Variants in GRIN2A observed in about 807,000 individuals in gnomAD.
GRIN2A encodes glutamate ionotropic receptor NMDA type subunit 2A, also known as glutamate receptor ionotropic, NMDA 2A.
Under a neutral mutation model 113.4 loss-of-function variants are expected in GRIN2A, and 22 were observed. The observed-to-expected ratio is 0.19, with a 90% CI of 0.14 to 0.28. The LOEUF is 0.28. GRIN2A is among the 10% of genes least tolerant of loss of function. The pLI, the probability that GRIN2A is intolerant of heterozygous loss-of-function variation, is 1.00. For missense variants in GRIN2A, 1,502 were observed against 1,887.0 expected (o/e 0.80, Z 3.78); for synonymous variants, 827 against 738.4 (o/e 1.12, Z -1.94).
At chr16:9,913,366 T>C (rs764253291) in intron 3 of GRIN2A, among the ~76,000 whole-genome samples, 2 of 152,228 alleles carry the variant, frequency 1.3e-5, no homozygotes, top group Non-Finnish European at 2.9e-5. Flanking sequence ...CCAGACAGGA[T>C]CTTGAATTTG....
chr16:9,840,588 A>C, intron 7 of GRIN2A, 59 bp downstream of exon 7: 1 of 1,520,120 alleles, frequency 6.6e-7, no homozygotes, highest in Non-Finnish European at 9.1e-7. Flanking sequence ...TCCTCTGAGC[A>C]AACAAGATTT....
At chr16:10,119,651 A>C (rs11640305) in intron 2 of GRIN2A, among the ~76,000 whole-genome samples, 128,573 of 152,094 alleles carry the variant, frequency 0.85, 55,109 homozygotes, top group East Asian at 0.92. Flanking sequence ...GATTTGGTAC[A>C]CACATTTGGT....
At chr16:10,142,261 TTAAGGTTAGCTGCA>T (rs2049342373) in intron 2 of GRIN2A, among the ~76,000 whole-genome samples, 1 of 152,140 alleles carries the variant, frequency 6.6e-6, no homozygotes, top group Non-Finnish European at 1.5e-5. Flanking sequence ...AAACCCAGGG[TTAAGGTTAGCTGCA>T]GCACACAGAG....
chr16:9,945,603 C>T (rs759075418), intron 2 of GRIN2A, among the ~76,000 whole-genome samples: 23 of 152,148 alleles, frequency 1.5e-4, no homozygotes, highest in Non-Finnish European at 1.8e-4. Context: ...CAATAGGGAA[C>T]CTGGGAGAAA....
At chr16:9,774,222 G>C (rs1315659652) in intron 11 of GRIN2A, among the ~76,000 whole-genome samples, 1 of 152,132 alleles carries the variant, frequency 6.6e-6, no homozygotes. Context: ...TTTGCAAAAA[G>C]GAATGAAAGA....
At position 9,894,656 on chromosome 16, in the gene GRIN2A, A is replaced by T. The variant is rs545862597; in HGVS notation, c.1008-3556T>A. On this transcript the variant is annotated intron_variant, in intron 3 of 12. Transcript: ENST00000330684. The stretch of plus-strand genomic sequence containing the variant: ...TATTAGCAGGACTTCAAAGTAACTA[A>T]TTGAGCCTAAGTTAAGCTGTTTTTA... Among the ~76,000 whole-genome samples, 19 of 152,238 alleles carry T rather than the reference A, an allele frequency of 1.2e-4. No individual in the cohort carries two copies. In the East Asian group the frequency reaches 1.4e-3, roughly 11 times the overall value.
intron 2 of GRIN2A, among the ~76,000 whole-genome samples, chr16:10,170,143 T>A (rs1006284761): frequency 3.3e-5 from 5 of 152,212 alleles, no homozygotes; most frequent in Non-Finnish European, 5.9e-5. Flanking sequence ...CATTTAAAAA[T>A]GCTGTACTGG....
intron 2 of GRIN2A, among the ~76,000 whole-genome samples, chr16:10,076,965 T>G (rs972446366): frequency 6.6e-6 from 1 of 152,220 alleles, no homozygotes; most frequent in African/African-American, 2.4e-5. Context: ...GAATTTATCC[T>G]GGATGACCTG....
chr16:10,120,515 A>C (rs1020012754), intron 2 of GRIN2A, among the ~76,000 whole-genome samples: 2 of 152,144 alleles, frequency 1.3e-5, no homozygotes, highest in African/African-American at 4.8e-5. Context: ...TCATTCATGA[A>C]ACAGTTTTCT....
intron 2 of GRIN2A, among the ~76,000 whole-genome samples, chr16:10,053,814 A>T (rs2047399782): frequency 6.6e-6 from 1 of 152,182 alleles, no homozygotes; most frequent in African/African-American, 2.4e-5. Context: ...TACATCCATA[A>T]ATGGATATAT....
At chr16:10,111,620 T>C in intron 2 of GRIN2A, 2 of 1,360,718 alleles carry the variant, frequency 1.5e-6, no homozygotes, top group Non-Finnish European at 2.1e-6. Flanking sequence ...GACATGGCCA[T>C]CGCGATGGCT....
At chr16:9,925,286 C>T (rs925122116) in intron 3 of GRIN2A, among the ~76,000 whole-genome samples, 1 of 152,194 alleles carries the variant, frequency 6.6e-6, no homozygotes, top group African/African-American at 2.4e-5. Context: ...AACTCAGTGC[C>T]CATGAATAAC....
intron 2 of GRIN2A, among the ~76,000 whole-genome samples, chr16:10,032,903 A>C (rs6497647): frequency 0.63 from 95,014 of 151,962 alleles, 30,269 homozygotes; most frequent in East Asian, 0.95. Context: ...ATTGTCCTTA[A>C]CCAATGGAGA....
At chr16:9,933,587 C>G (rs76814806) in intron 3 of GRIN2A, among the ~76,000 whole-genome samples, 2,233 of 152,308 alleles carry the variant, frequency 0.015, 61 homozygotes, top group African/African-American at 0.051. Context: ...AGACCTTAAT[C>G]CAGCTGCAAA....
chr16:9,962,733 AC>A (rs1200848119), intron 2 of GRIN2A, among the ~76,000 whole-genome samples: 1 of 152,168 alleles, frequency 6.6e-6, no homozygotes, highest in African/African-American at 2.4e-5. Context: ...GGGATCTAGA[AC>A]TAGAAATACC....
intron 2 of GRIN2A, among the ~76,000 whole-genome samples, chr16:9,954,391 G>C (rs754328900): frequency 6.6e-6 from 1 of 152,098 alleles, no homozygotes; most frequent in African/African-American, 2.4e-5. Flanking sequence ...CTGGAGTTAA[G>C]ACGGCTGCTC....
chr16:9,931,067 C>T (rs1328086023), intron 3 of GRIN2A, among the ~76,000 whole-genome samples: 2 of 152,148 alleles, frequency 1.3e-5, no homozygotes, highest in Non-Finnish European at 2.9e-5. Flanking sequence ...AATACTAATT[C>T]ATAACTCTCC....
chr16:10,165,069 T>C (rs2049883833), intron 2 of GRIN2A, among the ~76,000 whole-genome samples: 1 of 152,214 alleles, frequency 6.6e-6, no homozygotes, highest in Non-Finnish European at 1.5e-5. Flanking sequence ...ATGGATTCTA[T>C]TAAAAGCCAA....
intron 2 of GRIN2A, among the ~76,000 whole-genome samples, chr16:10,096,362 C>A (rs2048288323): frequency 6.6e-6 from 1 of 152,148 alleles, no homozygotes; most frequent in Non-Finnish European, 1.5e-5. Flanking sequence ...AATGCAGATT[C>A]TTGGGCCTCA....
Sources: allele counts gnomAD v4.1 joint callset (sites outside exome capture counted in the v4.1 genomes callset), GRCh38; gene constraint gnomAD v4.1.1; transcripts MANE v1.5; gene names NCBI Gene and HGNC (gene_info 2026-07-23, HGNC 2026-07-21).